Variants in DSCAM observed in about 807,000 individuals in gnomAD.
The protein encoded by DSCAM is cell adhesion molecule DSCAM.
DSCAM carries 47 observed loss-of-function variants against 217.7 expected under a neutral mutation model. That is an observed-to-expected ratio of 0.22 (90% CI 0.17 to 0.28). DSCAM has a LOEUF of 0.28. DSCAM is among the 10% of genes least tolerant of loss of function. The probability of loss-of-function intolerance (pLI) is 1.00; values close to 1 mark genes in which losing one functional copy is unlikely to be tolerated. For synonymous variants in DSCAM, 1,056 were observed against 1,015.3 expected (o/e 1.04, Z -0.76); for missense variants, 2,080 against 2,618.3 (o/e 0.79, Z 4.49).
At chr21:40,761,239 T>A (rs1053812542) in intron 1 of DSCAM, among the ~76,000 whole-genome samples, 14 of 152,172 alleles carry the variant, frequency 9.2e-5, no homozygotes, top group African/African-American at 3.4e-4. Flanking sequence ...CTGCTCCAAG[T>A]CTCCCAGCTC....
intron 32 of DSCAM, among the ~76,000 whole-genome samples, chr21:40,015,088 G>A (rs1051738824): frequency 2.6e-5 from 4 of 152,074 alleles, no homozygotes; most frequent in Non-Finnish European, 4.4e-5. Context: ...GGCCTCTCTC[G>A]GAAGGCTTGG....
At chr21:40,140,693 T>TG (rs1303904833) in intron 18 of DSCAM, among the ~76,000 whole-genome samples, 2 of 152,338 alleles carry the variant, frequency 1.3e-5, no homozygotes, top group Admixed American at 1.3e-4. Context: ...CTCTTTACTC[T>TG]GGGGTGTTTT....
chr21:40,342,648 A>ATATATTTTTT (rs61637421), intron 6 of DSCAM, among the ~76,000 whole-genome samples: 7 of 80,312 alleles, frequency 8.7e-5, no homozygotes, highest in Admixed American at 1.7e-4. Context: ...ATATATATAT[A>ATATATTTTTT]TTTTTTTTTT....
chr21:40,437,717 G>C lies in DSCAM; in HGVS notation c.509-68472C>G, dbSNP rs147532994. Among the ~76,000 whole-genome samples the C allele has an allele frequency of 3.7e-4, 56 of 152,238 alleles. 1 individual carries two copies. The highest frequency in any genetic ancestry group is 1.3e-3 in the African/African-American group (53 of 41,544). On this transcript the variant is annotated intron_variant, in intron 3 of 32. Coordinates refer to ENST00000400454, the MANE Select transcript of DSCAM (RefSeq NM_001389.5). ...AATACAAAAATTAGCCAGGCGTGGT[G>C]GTGGGCACCTGTAATCCCAGCTACT...
rs2076583158 is a variant in DSCAM at position 40,546,421 on chromosome 21, A to G, written c.508+146389T>C. Among the ~76,000 whole-genome samples, 3 of 152,204 alleles carry G rather than the reference A, an allele frequency of 2.0e-5. No individual in the cohort carries two copies. The East Asian group carries it at 5.8e-4, about 29-fold the overall frequency. ...ACAGATCATGGGCTTTGGGTCTGACAGATCTGGATTCAAATAACAGCCACT... is the reference window on the plus strand; with the variant it reads ...ACAGATCATGGGCTTTGGGTCTGACGGATCTGGATTCAAATAACAGCCACT... On this transcript the variant is annotated intron_variant, in intron 3 of 32. Transcript: ENST00000400454.
At chr21:40,532,824 G>A (rs2076458318) in intron 3 of DSCAM, among the ~76,000 whole-genome samples, 1 of 152,072 alleles carries the variant, frequency 6.6e-6, no homozygotes, top group Non-Finnish European at 1.5e-5. Flanking sequence ...ATGGCCCTGG[G>A]TAGGACTTTG....
intron 32 of DSCAM, among the ~76,000 whole-genome samples, chr21:40,021,796 T>C (rs925360160): frequency 1.2e-4 from 18 of 152,184 alleles, no homozygotes; most frequent in African/African-American, 4.3e-4. Context: ...CCTCTGGTCC[T>C]GAAATGTACA....
At chr21:40,787,019 C>T (rs187503880) in intron 1 of DSCAM, among the ~76,000 whole-genome samples, 16 of 152,320 alleles carry the variant, frequency 1.1e-4, no homozygotes, top group African/African-American at 3.1e-4. Flanking sequence ...CGATTTGAAA[C>T]GTATGGCAAT....
At chr21:40,771,520 A>G (rs1417754559) in intron 1 of DSCAM, among the ~76,000 whole-genome samples, 2 of 152,180 alleles carry the variant, frequency 1.3e-5, no homozygotes, top group East Asian at 1.9e-4. Context: ...ACACGGGGGA[A>G]GGCTTCCGGA....
At chr21:40,112,186 T>C (rs1282243208) in intron 20 of DSCAM, among the ~76,000 whole-genome samples, 1 of 147,388 alleles carries the variant, frequency 6.8e-6, no homozygotes, top group East Asian at 2.0e-4. Context: ...CCTCAGCAAA[T>C]GTAAAAGAAC....
At chr21:40,669,589 TA>T (rs34513419) in intron 3 of DSCAM, among the ~76,000 whole-genome samples, 1,417 of 7,668 alleles carry the variant, frequency 0.18, 18 homozygotes, top group East Asian at 0.5. Flanking sequence ...TTGTTATATA[TA>T]TTTTTTTTTT....
chr21:40,448,291 A>G (rs1410825631), intron 3 of DSCAM, among the ~76,000 whole-genome samples: 1 of 152,230 alleles, frequency 6.6e-6, no homozygotes, highest in African/African-American at 2.4e-5. Context: ...AGGCCCAAAT[A>G]GAACAAAAAC....
intron 3 of DSCAM, among the ~76,000 whole-genome samples, chr21:40,548,489 T>C (rs972475830): frequency 6.7e-5 from 9 of 133,936 alleles, no homozygotes; most frequent in African/African-American, 2.7e-4. Flanking sequence ...AATCTTCAAC[T>C]GAAAATAAAC....
Position 40,013,194 on chromosome 21 carries a change from C to T in DSCAM, c.5879G>A (p.Gly1960Glu), listed in dbSNP as rs202187685. ...CACGGCCCCCGGCTGCCACGACTGT[C>T]CTTCTCTCGTGGAGGAGGCGGAGGA... Reference protein sequence around the residue: ...AASSASSTREGQSWQPGAVAT... With the variant: ...AASSASSTREEQSWQPGAVAT... Residue 1960 changes from glycine to glutamate, a missense_variant, in exon 33 of 33, where the codon GGA becomes GAA. Gly to Glu is a moderately conservative substitution (Grantham distance 98, BLOSUM62 -2). This residue lies in a region of DSCAM where 145 missense variants were observed against 138.5 expected (regional missense o/e 1.05). Transcript: ENST00000400454. 1.2e-4 allele frequency: 191 copies of T among 1,613,710 alleles called. 1 individual carries two copies. The Middle Eastern group carries it at 2.1e-3, about 18-fold the overall frequency.
chr21:40,701,316 T>C (rs891793311), intron 2 of DSCAM, among the ~76,000 whole-genome samples: 1 of 152,296 alleles, frequency 6.6e-6, no homozygotes, highest in African/African-American at 2.4e-5. Context: ...ATTAGTCATT[T>C]ACCAACTCTC....
At chr21:40,030,897 G>T (rs1490783154) in intron 32 of DSCAM, among the ~76,000 whole-genome samples, 2 of 152,136 alleles carry the variant, frequency 1.3e-5, no homozygotes, top group East Asian at 3.9e-4. Context: ...TAAAAGCTTA[G>T]CATGTATGTA....
intron 11 of DSCAM, among the ~76,000 whole-genome samples, chr21:40,213,763 C>A (rs1372721527): frequency 2.6e-5 from 4 of 152,112 alleles, no homozygotes; most frequent in Non-Finnish European, 2.9e-5. Context: ...ATCCTTGAGG[C>A]AGCCTCTCCA....
chr21:40,020,497 C>T (rs781008034), intron 32 of DSCAM, among the ~76,000 whole-genome samples: 4 of 151,662 alleles, frequency 2.6e-5, no homozygotes, highest in Non-Finnish European at 2.9e-5. Flanking sequence ...GCAGGGCATA[C>T]ACATCAAGAA....
chr21:40,519,042 G>C (rs181220834), intron 3 of DSCAM, among the ~76,000 whole-genome samples: 7 of 152,168 alleles, frequency 4.6e-5, no homozygotes, highest in Admixed American at 4.6e-4. Flanking sequence ...AATAAAATGC[G>C]GTATTATAAT....
Sources: gnomAD v4.1 joint callset for allele counts (sites outside exome capture counted in the v4.1 genomes callset) on GRCh38, gnomAD v4.1.1 for gene constraint, gnomAD v4.1.1 regional missense constraint, MANE v1.5 for transcripts, NCBI Gene and HGNC (gene_info 2026-07-23, HGNC 2026-07-21) for gene names.